ZNF778: variants seen among roughly 807,000 people sequenced by gnomAD.
The protein encoded by ZNF778 is zinc finger protein 778.
Under a neutral mutation model 23.9 loss-of-function variants are expected in ZNF778, and 37 were observed. The observed-to-expected ratio is 1.54, with a 90% CI of 1.19 to 2.03. ZNF778 has a LOEUF of 2.03. Ranked by LOEUF, ZNF778 falls within the 30% of genes most tolerant of loss-of-function variation. The pLI is 0.00. For synonymous variants in ZNF778, 483 were observed against 343.9 expected, an observed-to-expected ratio of 1.40 and a Z score of -4.48; for missense variants, 1,297 against 934.4, an observed-to-expected ratio of 1.39 and a Z score of -5.06.
rs117976521 is a variant in ZNF778, at chr16:89,221,073, C to A, written c.-55C>A. 53,041 of 1,552,358 alleles carry A rather than the reference C, an allele frequency of 0.034. 1,212 individuals are homozygous for A. The highest frequency in any genetic ancestry group is 0.089 in the South Asian group (7,530 of 84,196). On this transcript the variant is annotated 5_prime_UTR_variant, in exon 2 of 7. Coordinates refer to ENST00000433976, the MANE Select transcript of ZNF778 (RefSeq NM_001201407.2). ...CCACATAGATTCACAAGCTGCCCTGCAGTGGCCTTGGCTTCAGGAAAGGAG... is the reference window on the plus strand; with the variant it reads ...CCACATAGATTCACAAGCTGCCCTGAAGTGGCCTTGGCTTCAGGAAAGGAG...
Position 89,227,118 on chromosome 16 carries a change from T to C in ZNF778, c.830T>C (p.Val277Ala). Residue 277 changes from valine to alanine, a missense_variant, in exon 7 of 7, where the codon GTC becomes GCC. Physicochemically the swap from Val to Ala is moderately conservative, Grantham distance 64 (BLOSUM62 0). Coordinates refer to ENST00000433976, the MANE Select transcript of ZNF778 (RefSeq NM_001201407.2). ...GCATPVEMHA[V>A]RNPHVCRECG... ...GCCACACCTGTTGAAATGCATGCCG[T>C]CAGGAATCCCCACGTATGTAGGGAA... is the stretch of plus-strand genomic sequence containing the variant. The C allele has an allele frequency of 6.2e-7, 1 of 1,613,946 alleles. No homozygotes were observed. Among genetic ancestry groups the C allele is most frequent in the Middle Eastern group, 1.6e-4 (1 of 6,062 alleles).
rs1447676716 is a variant in ZNF778 at position 89,235,382 on chromosome 16, A to G, written c.*6820A>G. 6.6e-6 allele frequency: 1 copy of G among 152,214 alleles called. No homozygotes were observed. The highest frequency in any genetic ancestry group is 1.5e-5 in the Non-Finnish European group (1 of 68,048). 9.4% of individuals were successfully genotyped at this position (152,214 alleles called of 1,614,324 possible). ...CCTGGCCTCCAGGCAGTCCTGCAGC[A>G]GCAAACACATCATCAGCCTTAGGAG... On this transcript the variant is annotated 3_prime_UTR_variant, in exon 7 of 7. Coordinates refer to ENST00000433976, the MANE Select transcript of ZNF778 (RefSeq NM_001201407.2).
chr16:89,218,684 T>G lies in ZNF778; in HGVS notation c.-132+774T>G, dbSNP rs975408839. Among the ~76,000 whole-genome samples, 27 of 152,140 alleles carry G rather than the reference T, an allele frequency of 1.8e-4. No homozygotes were observed. The East Asian group carries it at 4.8e-3, about 27-fold the overall frequency. ...CGGGCTCCTGTAGTCCCAGCTACTCTGGAGGCTGAGGCAGGAGAATGGCGT... is the reference window on the plus strand; with the variant it reads ...CGGGCTCCTGTAGTCCCAGCTACTCGGGAGGCTGAGGCAGGAGAATGGCGT... On this transcript the variant is annotated intron_variant, in intron 1 of 6. Transcript: ENST00000433976.
At position 89,228,667 on chromosome 16, in the gene ZNF778, T is replaced by A. The variant is rs2031725930; in HGVS notation, c.*105T>A. The A allele has an allele frequency of 6.7e-7, 1 of 1,501,940 alleles. No individual in the cohort carries two copies. The highest frequency in any genetic ancestry group is 8.8e-7 in the Non-Finnish European group (1 of 1,131,718). The allele number at this position is 1,501,940 out of a possible 1,614,324, so 93.0% of individuals were successfully genotyped here. A position where few individuals can be genotyped will look rare whatever the true frequency, so the allele number is the denominator to read the frequency against. ...TGACTTGAGGAATGTGGCTAGGCAA[T>A]CAGCATCTCATCACAACCCGGCAGG... On this transcript the variant is annotated 3_prime_UTR_variant, in exon 7 of 7. Coordinates refer to ENST00000433976, the MANE Select transcript of ZNF778 (RefSeq NM_001201407.2).
intron 1 of ZNF778, among the ~76,000 whole-genome samples, chr16:89,219,433 C>T (rs1287380748): frequency 6.6e-6 from 1 of 152,224 alleles, no homozygotes; most frequent in Non-Finnish European, 1.5e-5. Flanking sequence ...TTTGGGTCCA[C>T]GAGGTCTCAG....
At position 89,227,254 on chromosome 16, in the gene ZNF778, C is replaced by G; in HGVS notation, c.966C>G (p.Ser322=). The part of the protein sequence containing the change: ...EECGKASPVS[S]SLTQHVRIHA... ...GTGGAAAAGCCTCCCCTGTTTCTTC[C>G]AGCCTAACTCAACATGTAAGAATTC... The change falls in exon 7 of 7, where the codon TCC becomes TCG. Residue 322 remains serine, a synonymous_variant. Transcript: ENST00000433976. 6.2e-7 allele frequency: 1 copy of G among 1,613,854 alleles called. No individual in the cohort carries two copies. The highest frequency in any genetic ancestry group is 8.5e-7 in the Non-Finnish European group (1 of 1,179,824).
At position 89,229,860 on chromosome 16, in the gene ZNF778, T is replaced by G; in HGVS notation, c.*1298T>G. The G allele has an allele frequency of 3.4e-5, 33 of 983,872 alleles. No homozygotes were observed. The highest frequency in any genetic ancestry group is 4.0e-5 in the Non-Finnish European group (33 of 829,072). 60.9% of individuals were successfully genotyped at this position (983,872 alleles called of 1,614,324 possible). On this transcript the variant is annotated 3_prime_UTR_variant, in exon 7 of 7. Coordinates refer to ENST00000433976, the MANE Select transcript of ZNF778 (RefSeq NM_001201407.2). ...GTGAGCAGCGTAGGCTCTGGTTGGTTAGTCTTGAGGATCCAGATGTGATCC... is the reference window on the plus strand; with the variant it reads ...GTGAGCAGCGTAGGCTCTGGTTGGTGAGTCTTGAGGATCCAGATGTGATCC...
chr16:89,222,260 T>A, intron 3 of ZNF778, 77 bp downstream of exon 3: 7 of 1,128,212 alleles, frequency 6.2e-6, no homozygotes, highest in Non-Finnish European at 8.9e-6. Context: ...CTGAGCAGAC[T>A]TGTCTGCACA....
Position 89,227,313 on chromosome 16 carries a change from G to A in ZNF778, c.1025G>A (p.Cys342Tyr), listed in dbSNP as rs775160178. The change falls in exon 7 of 7, where the codon TGC (cysteine) becomes TAC (tyrosine). Residue 342 changes from cysteine to tyrosine, a missense_variant. Physicochemically the swap from Cys to Tyr is radical, Grantham distance 194. Coordinates refer to ENST00000433976, the MANE Select transcript of ZNF778 (RefSeq NM_001201407.2). ...GAGAAACCCTGTGAATGTAAAGAAT[G>A]CGGAAAAGCCTTCACTGGACTCTCA... ...AAEKPCECKE[C>Y]GKAFTGLSGL... 1.9e-6 allele frequency: 3 copies of A among 1,613,932 alleles called. No homozygotes were observed. The highest frequency in any genetic ancestry group is 2.2e-5 in the South Asian group (2 of 91,082).
Position 89,225,634 on chromosome 16 carries a change from A to T in ZNF778, c.405+3A>T. The T allele has an allele frequency of 1.9e-6, 3 of 1,609,994 alleles. No individual in the cohort carries two copies. In the South Asian group the frequency reaches 3.3e-5, roughly 18 times the overall value. ...GAGCATCAAATGAGACACAGACGGT[A>T]AGATTAACAAGAGAGATTTTTTTAT... On this transcript the variant is annotated splice_donor_region_variant and intron_variant, in intron 6 of 6. Transcript: ENST00000433976.
chr16:89,221,619 C>T (rs915216908), intron 2 of ZNF778, among the ~76,000 whole-genome samples: 83 of 115,306 alleles, frequency 7.2e-4, no homozygotes, highest in Non-Finnish European at 1.3e-3. Context: ...GTGTATTTTC[C>T]TGAGGGACTA....
intron 5 of ZNF778, among the ~76,000 whole-genome samples, chr16:89,225,325 C>G (rs1261367046): frequency 6.6e-6 from 1 of 151,882 alleles, no homozygotes; most frequent in South Asian, 2.1e-4. Context: ...CTCTTTCCTG[C>G]TTTCTTTCAT....
rs368313174 is a variant in ZNF778, at chr16:89,233,626, C to T, written c.*5064C>T. The T allele has an allele frequency of 8.9e-7, 1 of 1,126,824 alleles. No homozygotes were observed. The highest frequency in any genetic ancestry group is 1.4e-5 in the South Asian group (1 of 70,884). The allele number at this position is 1,126,824 out of a possible 1,614,324, so 69.8% of individuals were successfully genotyped here. A position where few individuals can be genotyped will look rare whatever the true frequency, so the allele number is the denominator to read the frequency against. ...TACTGCATATGCAACTCAACTCACA[C>T]TGTATGCAACTCAGCTCGCTCTGCA... On this transcript the variant is annotated 3_prime_UTR_variant, in exon 7 of 7. Transcript: ENST00000433976.
chr16:89,223,064 C>G (rs1013105132), intron 3 of ZNF778, 93 bp from the exon 4 acceptor site: 17 of 1,459,838 alleles, frequency 1.2e-5, no homozygotes, highest in Admixed American at 9.8e-5. Flanking sequence ...GGAGGCCTCA[C>G]AGTCCCATAG....
chr16:89,229,307 G>A lies in ZNF778; in HGVS notation c.*745G>A. ...CTTGAGGATCCAGATGTGATTCTGTGAGCAGTGTAAGCTCTGGTTGGTTAG... is the reference window on the plus strand; with the variant it reads ...CTTGAGGATCCAGATGTGATTCTGTAAGCAGTGTAAGCTCTGGTTGGTTAG... On this transcript the variant is annotated 3_prime_UTR_variant, in exon 7 of 7. Transcript: ENST00000433976. The A allele has an allele frequency of 1.0e-6, 1 of 985,408 alleles. No individual in the cohort carries two copies. The highest frequency in any genetic ancestry group is 1.2e-6 in the Non-Finnish European group (1 of 829,996). 61.0% of individuals were successfully genotyped at this position (985,408 alleles called of 1,614,324 possible).
chr16:89,232,467 G>A lies in ZNF778; in HGVS notation c.*3905G>A, dbSNP rs1020388943. 5 of 400,336 alleles carry A rather than the reference G, an allele frequency of 1.2e-5. No homozygotes were observed. Among genetic ancestry groups the A allele is most frequent in the Non-Finnish European group, 2.2e-5 (5 of 230,424 alleles). The allele number at this position is 400,336 out of a possible 1,614,324, so 24.8% of individuals were successfully genotyped here. On this transcript the variant is annotated 3_prime_UTR_variant, in exon 7 of 7. Transcript: ENST00000433976. ...AAGCATGATGGAAAACTGGGTTATG[G>A]GCAGGACTGCAAGTACTGGTTAGGC... is the stretch of plus-strand genomic sequence containing the variant.
chr16:89,227,112 A>G lies in ZNF778; in HGVS notation c.824A>G (p.His275Arg), dbSNP rs200088367. The G allele has an allele frequency of 4.2e-5, 67 of 1,614,046 alleles. No individual in the cohort carries two copies. The East Asian group carries it at 1.2e-3, about 30-fold the overall frequency. Residue 275 changes from histidine to arginine, a missense_variant, in exon 7 of 7, where the codon CAT becomes CGT. Coordinates refer to ENST00000433976, the MANE Select transcript of ZNF778 (RefSeq NM_001201407.2). ...SMGCATPVEM[H>R]AVRNPHVCRE... ...GGCTGCGCCACACCTGTTGAAATGC[A>G]TGCCGTCAGGAATCCCCACGTATGT...
rs2032000448 is a variant in ZNF778, at chr16:89,232,846, C to T, written c.*4284C>T. On this transcript the variant is annotated 3_prime_UTR_variant, in exon 7 of 7. Coordinates refer to ENST00000433976, the MANE Select transcript of ZNF778 (RefSeq NM_001201407.2). ...CACACCGTATATGCAACTCAACTCACACCGTGTATGCAAATCAACTCGCAC... is the reference window on the plus strand; with the variant it reads ...CACACCGTATATGCAACTCAACTCATACCGTGTATGCAAATCAACTCGCAC... 2.3e-6 allele frequency: 3 copies of T among 1,289,114 alleles called. No individual in the cohort carries two copies. Among genetic ancestry groups the T allele is most frequent in the Non-Finnish European group, 3.0e-6 (3 of 988,614 alleles). 79.9% of individuals were successfully genotyped at this position (1,289,114 alleles called of 1,614,324 possible).
chr16:89,224,768 GGAGTT>G lies in ZNF778; in HGVS notation c.298_302del (p.Leu100GlyfsTer13). 6.5e-7 allele frequency: 1 copy of G among 1,530,330 alleles called. No individual in the cohort carries two copies. Among genetic ancestry groups the G allele is most frequent in the Non-Finnish European group, 8.7e-7 (1 of 1,145,062 alleles). The allele number at this position is 1,530,330 out of a possible 1,614,324, so 94.8% of individuals were successfully genotyped here. A position where few individuals can be genotyped will look rare whatever the true frequency, so the allele number is the denominator to read the frequency against. ...TGATCTATTGGCTGGAGCAGGAAGA[GGAGTT>G]GAGGGCAGGGCGGAGAGCAGTTCTC... is the stretch of plus-strand genomic sequence containing the variant. On this transcript the variant is annotated frameshift_variant, in exon 5 of 7. Transcript: ENST00000433976. LOFTEE classifies it high-confidence loss of function.
Sources: allele counts gnomAD v4.1 joint callset (sites outside exome capture counted in the v4.1 genomes callset), GRCh38; gene constraint gnomAD v4.1.1; transcripts MANE v1.5; gene names NCBI Gene and HGNC (gene_info 2026-07-23, HGNC 2026-07-21).